HOXA3: variants seen among roughly 807,000 people sequenced by gnomAD.
The protein encoded by HOXA3 is homeobox protein Hox-A3.
In HOXA3, 8 loss-of-function variants were observed where a neutral mutation model predicts 30.3. The observed-to-expected ratio is 0.26, with a 90% CI of 0.15 to 0.48. HOXA3 has a LOEUF of 0.48. Among genes scored for constraint, HOXA3 ranks in the 20% least tolerant of loss-of-function variants. The probability of loss-of-function intolerance (pLI) is 0.99; values close to 1 mark genes in which losing one functional copy is unlikely to be tolerated. For missense variants in HOXA3, 653 were observed against 614.4 expected (o/e 1.06, Z -0.66); for synonymous variants, 323 against 273.1 (o/e 1.18, Z -1.80).
intron 2 of HOXA3, among the ~76,000 whole-genome samples, chr7:27,131,904 A>G (rs1785573077): frequency 6.6e-6 from 1 of 152,254 alleles, no homozygotes; most frequent in South Asian, 2.1e-4. Context: ...ATTGCTGAAA[A>G]TTAGCGTATT....
chr7:27,129,328 G>T, intron 2 of HOXA3: 1 of 1,614,194 alleles, frequency 6.2e-7, no homozygotes. Context: ...AGAGGCCGAG[G>T]CCGAATTGGA....
rs954815207 is a variant in HOXA3 at position 27,113,466 on chromosome 7, C to T, written c.-120-2706G>A. On this transcript the variant is annotated intron_variant, in intron 4 of 5. Coordinates refer to ENST00000612286, the MANE Select transcript of HOXA3 (RefSeq NM_153631.3). This position sits in a 1 kb window ranked among gnomAD's most constrained non-coding sequence, Gnocchi z 4.8. ...AGAGGTGGGGGCGGGGATGGGAAAG[C>T]GGCCTGAACTCGAAGTGTAAGGGTA... 2.0e-5 allele frequency among the ~76,000 whole-genome samples: 3 copies of T among 152,142 alleles called. No individual in the cohort carries two copies. The highest frequency in any genetic ancestry group is 4.4e-5 in the Non-Finnish European group (3 of 68,024).
intron 1 of HOXA3, chr7:27,147,720 G>T (rs370785785): frequency 1.9e-6 from 3 of 1,610,810 alleles, no homozygotes; most frequent in Non-Finnish European, 2.5e-6. Flanking sequence ...GGCTCCCGGG[G>T]AAAGTGGGAT....
intron 1 of HOXA3, chr7:27,151,810 C>G (rs1782981118): frequency 1.3e-5 from 5 of 396,588 alleles, no homozygotes; most frequent in Non-Finnish European, 2.6e-5. Context: ...TTCCCACCTT[C>G]CCAGGTCAAG....
chr7:27,152,570 G>A lies in HOXA3; in HGVS notation c.-776C>T. On this transcript the variant is annotated 5_prime_UTR_variant, in exon 1 of 6. Transcript: ENST00000612286. The stretch of plus-strand genomic sequence containing the variant: ...GCTCCGAAGCAGGCAGGACGGAGCG[G>A]AGCAAAAGAATGCGGCTCTATTCTC... 1.7e-6 allele frequency: 2 copies of A among 1,192,040 alleles called. No individual in the cohort carries two copies. Among genetic ancestry groups the A allele is most frequent in the Non-Finnish European group, 2.1e-6 (2 of 944,276 alleles). 73.8% of individuals were successfully genotyped at this position (1,192,040 alleles called of 1,614,324 possible). A position where few individuals can be genotyped will look rare whatever the true frequency, so the allele number is the denominator to read the frequency against.
chr7:27,145,541 T>C, intron 1 of HOXA3: 1 of 1,286,994 alleles, frequency 7.8e-7, no homozygotes, highest in Non-Finnish European at 1.1e-6. Flanking sequence ...CGGGCTCCCC[T>C]GAAGCTGCGG....
At chr7:27,135,376 TA>T (rs1285014492) in intron 2 of HOXA3, among the ~76,000 whole-genome samples, 1 of 152,096 alleles carries the variant, frequency 6.6e-6, no homozygotes, top group African/African-American at 2.4e-5. Flanking sequence ...TAATAAACAT[TA>T]AAAAAATTTC....
At chr7:27,110,904 G>C (rs1317177849) in intron 4 of HOXA3, 144 bp from the exon 5 acceptor site, 3 of 466,066 alleles carry the variant, frequency 6.4e-6, no homozygotes, top group Non-Finnish European at 1.1e-5. Flanking sequence ...AGGGAGCCGT[G>C]CTATAAAAAA....
At chr7:27,147,455 G>A in intron 1 of HOXA3, 1 of 1,614,206 alleles carries the variant, frequency 6.2e-7, no homozygotes, top group Non-Finnish European at 8.5e-7. Context: ...TAGTCCCCGG[G>A]GCCCCTCTGC....
chr7:27,142,844 T>G (rs1782622830), intron 1 of HOXA3: 1 of 536,232 alleles, frequency 1.9e-6, no homozygotes, highest in Non-Finnish European at 3.2e-6. Flanking sequence ...GAACGCCCAT[T>G]TCCCCCACTA....
chr7:27,151,251 G>A (rs1388929389), intron 1 of HOXA3: 1 of 191,590 alleles, frequency 5.2e-6, no homozygotes, highest in East Asian at 1.7e-4. Context: ...GAGTTCTCGG[G>A]GCAAATCTGG....
rs1156904990 is a variant in HOXA3 at position 27,120,083 on chromosome 7, C to A, written c.-121+2476G>T. Reference sequence around the variant, plus strand: ...TCTTACTGCTGCCTGCCTCATACCCCTCACCAATCATTCACACTGAGCTCT... The same window carrying A: ...TCTTACTGCTGCCTGCCTCATACCCATCACCAATCATTCACACTGAGCTCT... On this transcript the variant is annotated intron_variant, in intron 4 of 5. Transcript: ENST00000612286. 2.0e-5 allele frequency among the ~76,000 whole-genome samples: 3 copies of A among 152,054 alleles called. No homozygotes were observed. The East Asian group carries it at 5.8e-4, about 29-fold the overall frequency.
chr7:27,125,730 T>A (rs938541784), intron 3 of HOXA3, among the ~76,000 whole-genome samples: 1 of 152,222 alleles, frequency 6.6e-6, no homozygotes, highest in African/African-American at 2.4e-5. Context: ...AACCCACTCA[T>A]TCAGAGGGGA....
At chr7:27,148,389 C>G (rs1011489479) in intron 1 of HOXA3, among the ~76,000 whole-genome samples, 4 of 152,258 alleles carry the variant, frequency 2.6e-5, no homozygotes, top group Admixed American at 2.6e-4. Context: ...TTCACTCGTG[C>G]GCCTTAGGAA....
chr7:27,144,880 G>T (rs1256774384), intron 1 of HOXA3, among the ~76,000 whole-genome samples: 1 of 152,222 alleles, frequency 6.6e-6, no homozygotes, highest in African/African-American at 2.4e-5. Context: ...CCATGGCCCT[G>T]GGCCCCTCGT....
intron 2 of HOXA3, chr7:27,129,684 A>C (rs1311785676): frequency 6.1e-6 from 7 of 1,153,650 alleles, no homozygotes; most frequent in Non-Finnish European, 7.5e-6. Context: ...TCATCATTAT[A>C]TAATAACCTG....
chr7:27,135,403 T>C (rs923145540), intron 2 of HOXA3, among the ~76,000 whole-genome samples: 5 of 152,164 alleles, frequency 3.3e-5, no homozygotes, highest in African/African-American at 1.2e-4. Flanking sequence ...AGGAACATTT[T>C]CATGGCACCA....
chr7:27,119,443 G>A (rs1784900540), intron 4 of HOXA3: 1 of 152,130 alleles, frequency 6.6e-6, no homozygotes, highest in South Asian at 2.1e-4. Flanking sequence ...CAAATAAGCT[G>A]CTCCCACCCT....
At chr7:27,144,405 C>T (rs999162734) in intron 1 of HOXA3, among the ~76,000 whole-genome samples, 2 of 152,206 alleles carry the variant, frequency 1.3e-5, no homozygotes, top group African/African-American at 4.8e-5. Flanking sequence ...TAGTGTTTCT[C>T]CAAGGCGAGG....
Sources: gnomAD v4.1 joint callset for allele counts (sites outside exome capture counted in the v4.1 genomes callset) on GRCh38, gnomAD v4.1.1 for gene constraint, Gnocchi (gnomAD v3.1) non-coding constraint, MANE v1.5 for transcripts, NCBI Gene and HGNC (gene_info 2026-07-23, HGNC 2026-07-21) for gene names.